The following GRIN2B variants were observed in gnomAD, a reference collection of about 807,000 sequenced individuals.
GRIN2B encodes glutamate ionotropic receptor NMDA type subunit 2B.
GRIN2B carries 5 observed loss-of-function variants against 114.5 expected under a neutral mutation model. The ratio of observed to expected loss-of-function variants is 0.04; its 90% CI spans 0.02 to 0.09. GRIN2B has a LOEUF of 0.09. Among genes scored for constraint, GRIN2B ranks in the 10% least tolerant of loss-of-function variants. The pLI is 1.00. For synonymous variants in GRIN2B, 787 were observed against 745.1 expected, an observed-to-expected ratio of 1.06 and a Z score of -0.92; for missense variants, 1,108 against 1,943.5, an observed-to-expected ratio of 0.57 and a Z score of 8.08.
chr12:13,721,831 G>T (rs1207786393), intron 4 of GRIN2B, among the ~76,000 whole-genome samples: 2 of 152,102 alleles, frequency 1.3e-5, no homozygotes, highest in Non-Finnish European at 2.9e-5. Flanking sequence ...AAATAAAGGA[G>T]CTCAAGCAGA....
intron 5 of GRIN2B, among the ~76,000 whole-genome samples, chr12:13,629,488 A>T (rs1223737759): frequency 6.6e-6 from 1 of 152,108 alleles, no homozygotes; most frequent in East Asian, 1.9e-4. Context: ...ATTGCTCTAA[A>T]CTGCACATCT....
chr12:13,767,228 C>T (rs1863811896), intron 3 of GRIN2B, among the ~76,000 whole-genome samples: 1 of 150,030 alleles, frequency 6.7e-6, no homozygotes, highest in Admixed American at 6.7e-5. Flanking sequence ...CCACTGCACC[C>T]CAGCCTGTGC....
At chr12:13,664,887 C>T (rs902901878) in intron 5 of GRIN2B, among the ~76,000 whole-genome samples, 2 of 152,118 alleles carry the variant, frequency 1.3e-5, no homozygotes, top group Non-Finnish European at 2.9e-5. Context: ...AGTGTTTTGA[C>T]ATTTCTCTGC....
At chr12:13,875,545 A>C (rs1348959422) in intron 2 of GRIN2B, among the ~76,000 whole-genome samples, 1 of 152,076 alleles carries the variant, frequency 6.6e-6, no homozygotes, top group Non-Finnish European at 1.5e-5. Context: ...AAAAAGTAAA[A>C]AATAAAATGA....
chr12:13,606,506 G>A (rs763564938), intron 10 of GRIN2B, among the ~76,000 whole-genome samples: 25 of 152,170 alleles, frequency 1.6e-4, no homozygotes, highest in South Asian at 4.1e-4. Context: ...ATCCACCCCC[G>A]TGACCCAAAC....
chr12:13,804,800 C>T (rs756738498), intron 3 of GRIN2B, among the ~76,000 whole-genome samples: 1 of 152,108 alleles, frequency 6.6e-6, no homozygotes, highest in Non-Finnish European at 1.5e-5. Context: ...ATGCCTTGCC[C>T]ATAATAGGCA....
chr12:13,555,630 A>T lies in GRIN2B; in HGVS notation c.*7153T>A, dbSNP rs1218827959. The T allele has an allele frequency of 6.6e-6, 1 of 152,162 alleles. No homozygotes were observed. The highest frequency in any genetic ancestry group is 1.5e-5 in the Non-Finnish European group (1 of 68,034). The allele number at this position is 152,162 out of a possible 1,614,324, so 9.4% of individuals were successfully genotyped here. A position where few individuals can be genotyped will look rare whatever the true frequency, so the allele number is the denominator to read the frequency against. Reference sequence around the variant, plus strand: ...GAGGAGCACTTGGTTGGGAGAAAGGATGGAAAAGATGTGTGAAAGACAAGA... The same window carrying T: ...GAGGAGCACTTGGTTGGGAGAAAGGTTGGAAAAGATGTGTGAAAGACAAGA... On this transcript the variant is annotated 3_prime_UTR_variant, in exon 14 of 14. Transcript: ENST00000609686.
intron 3 of GRIN2B, among the ~76,000 whole-genome samples, chr12:13,801,677 G>A (rs1025667803): frequency 6.6e-6 from 1 of 152,138 alleles, no homozygotes; most frequent in African/African-American, 2.4e-5. Context: ...ACGATCCTAA[G>A]GTGTCACTCA....
At chr12:13,665,190 T>A (rs1949962959) in intron 5 of GRIN2B, among the ~76,000 whole-genome samples, 1 of 137,724 alleles carries the variant, frequency 7.3e-6, no homozygotes, top group Admixed American at 7.5e-5. Context: ...TGTGTGTGTG[T>A]GATAACAGGA....
intron 4 of GRIN2B, among the ~76,000 whole-genome samples, chr12:13,694,702 T>TAA (rs1555122560): frequency 1.0e-4 from 13 of 126,284 alleles, no homozygotes; most frequent in South Asian, 9.8e-4. Context: ...TATATATATA[T>TAA]AAATTAATTA....
intron 2 of GRIN2B, among the ~76,000 whole-genome samples, chr12:13,926,850 G>A (rs1166720159): frequency 9.2e-5 from 14 of 152,116 alleles, no homozygotes; most frequent in Non-Finnish European, 1.9e-4. Context: ...CTACTTAGGA[G>A]GCTGAGGCAG....
chr12:13,715,247 C>T (rs57861795), intron 4 of GRIN2B, among the ~76,000 whole-genome samples: 1,991 of 151,898 alleles, frequency 0.013, 44 homozygotes, highest in African/African-American at 0.045. Flanking sequence ...GAAGCCTCTC[C>T]GTTATCATCA....
chr12:13,802,448 T>C (rs220569), intron 3 of GRIN2B, among the ~76,000 whole-genome samples: 148,629 of 152,250 alleles, frequency 0.98, 72,645 homozygotes, highest in Middle Eastern at 1. Flanking sequence ...TTTGACCAAG[T>C]AAGTCCAGTT....
At chr12:13,812,657 G>A (rs1388137877) in intron 3 of GRIN2B, among the ~76,000 whole-genome samples, 1 of 152,090 alleles carries the variant, frequency 6.6e-6, no homozygotes, top group South Asian at 2.1e-4. Context: ...TGAGGAAGCT[G>A]TAAGAGATTA....
At chr12:13,943,454 T>TC (rs1867299916) in intron 2 of GRIN2B, among the ~76,000 whole-genome samples, 1 of 149,892 alleles carries the variant, frequency 6.7e-6, no homozygotes, top group African/African-American at 2.5e-5. Flanking sequence ...CTCCCCTGAC[T>TC]CCCCCATTGA....
Position 13,903,445 on chromosome 12 carries a change from AAT to A in GRIN2B, c.-18-37221_-18-37220del, listed in dbSNP as rs1264929943. On this transcript the variant is annotated intron_variant, in intron 2 of 13. Transcript: ENST00000609686. ...GCATTTTAGTTATTGTTCAATTCGAAATAGTTTCTAAACTTCTATTATGATTT... is the reference window on the plus strand; with the variant it reads ...GCATTTTAGTTATTGTTCAATTCGAAAGTTTCTAAACTTCTATTATGATTT... 2.6e-5 allele frequency among the ~76,000 whole-genome samples: 4 copies of A among 152,100 alleles called. No homozygotes were observed. The East Asian group carries it at 5.8e-4, about 22-fold the overall frequency.
chr12:13,586,794 C>T (rs968521286), intron 10 of GRIN2B, among the ~76,000 whole-genome samples: 10 of 152,202 alleles, frequency 6.6e-5, no homozygotes, highest in African/African-American at 2.4e-4. Context: ...TCTCTTCCTT[C>T]CCCCTCAACC....
chr12:13,670,240 T>C (rs1417388339), intron 5 of GRIN2B: 1 of 152,168 alleles, frequency 6.6e-6, no homozygotes, highest in East Asian at 1.9e-4. Flanking sequence ...GAGAACGATC[T>C]ACACAAACTG....
At chr12:13,930,501 T>A (rs1174074241) in intron 2 of GRIN2B, among the ~76,000 whole-genome samples, 2 of 152,164 alleles carry the variant, frequency 1.3e-5, no homozygotes, top group Non-Finnish European at 2.9e-5. Context: ...CTGCCCCTGA[T>A]CTTGAGCCGG....
Sources: gnomAD v4.1 joint callset for allele counts (sites outside exome capture counted in the v4.1 genomes callset) on GRCh38, gnomAD v4.1.1 for gene constraint, MANE v1.5 for transcripts, NCBI Gene and HGNC (gene_info 2026-07-23, HGNC 2026-07-21) for gene names.